SRI: variants seen among roughly 807,000 people sequenced by gnomAD.
The protein encoded by SRI is 22 kDa protein.
In SRI, 30 loss-of-function variants were observed where a neutral mutation model predicts 33.3. The ratio of observed to expected loss-of-function variants is 0.90; its 90% confidence interval spans 0.67 to 1.22. The LOEUF (loss-of-function observed/expected upper bound fraction) is 1.22, where lower values mean the gene tolerates loss of function less well. SRI is among the 50% of genes most tolerant of loss of function. SRI has a pLI of 0.00. For synonymous variants in SRI, 75 were observed against 89.9 expected, an observed-to-expected ratio of 0.83 and a Z score of 0.94; for missense variants, 243 against 250.8, an observed-to-expected ratio of 0.97 and a Z score of 0.21.
intron 1 of SRI, chr7:88,219,504 G>A (rs1354110623): frequency 1.0e-5 from 2 of 191,140 alleles, no homozygotes; most frequent in Non-Finnish European, 2.1e-5. Flanking sequence ...ACTTCAGCAG[G>A]TTTTCCCTTT....
chr7:88,206,631 T>C (rs1042016736), intron 7 of SRI, 127 bp from the exon 8 acceptor site: 9 of 993,442 alleles, frequency 9.1e-6, no homozygotes, highest in African/African-American at 1.6e-5. Flanking sequence ...CTTTCTAAGA[T>C]ATGAGTAAAT....
At chr7:88,212,105 C>T (rs1851592854) in intron 3 of SRI, among the ~76,000 whole-genome samples, 1 of 152,208 alleles carries the variant, frequency 6.6e-6, no homozygotes, top group African/African-American at 2.4e-5. Context: ...TTTTTAACAG[C>T]TCTTTGTAGC....
chr7:88,221,195 G>A (rs1259339661), upstream of SRI, among the ~76,000 whole-genome samples: 4 of 152,144 alleles, frequency 2.6e-5, no homozygotes, highest in Non-Finnish European at 4.4e-5. Context: ...TTTTCGCTGT[G>A]GTGGACGGGC....
At position 88,210,119 on chromosome 7, in the gene SRI, A is replaced by G; in HGVS notation, c.261T>C (p.Ser87=). The part of the protein sequence containing the change: ...LMVSMLDRDM[S]GTMGFNEFKE... ...TAAATTCATTGAAACCCATTGTGCCAGACATATCTCTCTGAACTGTAATCA... is the reference window on the plus strand; with the variant it reads ...TAAATTCATTGAAACCCATTGTGCCGGACATATCTCTCTGAACTGTAATCA... Residue 87 remains serine, a synonymous_variant, in exon 5 of 8, where the codon TCT becomes TCC. Transcript: ENST00000265729. The G allele has an allele frequency of 6.2e-7, 1 of 1,614,164 alleles. No individual in the cohort carries two copies. The highest frequency in any genetic ancestry group is 8.5e-7 in the Non-Finnish European group (1 of 1,179,996).
rs746990136 is a variant in SRI, at chr7:88,220,018, G to A, written c.9C>T (p.Tyr3=). Residue 3 remains tyrosine (Y), a synonymous_variant, in exon 1 of 8, where the codon TAC becomes TAT. Coordinates refer to ENST00000265729, the MANE Select transcript of SRI (RefSeq NM_003130.4). Reference sequence around the variant, plus strand: ...CGCCGCCGGCGCCAGGATGCCCCGGGTACGCCATGCTGCAGACTGCGCCGC... The same window carrying A: ...CGCCGCCGGCGCCAGGATGCCCCGGATACGCCATGCTGCAGACTGCGCCGC... MA[Y]PGHPGAGGGY... is the part of the protein sequence containing the mutation. 74 of 1,533,032 alleles carry A rather than the reference G, an allele frequency of 4.8e-5. 1 individual carries two copies. In the East Asian group the frequency reaches 6.9e-4, roughly 14 times the overall value. 95.0% of individuals were successfully genotyped at this position (1,533,032 alleles called of 1,614,324 possible).
Position 88,209,295 on chromosome 7 carries a change from CTGTG to C in SRI, c.511+40_511+43del, listed in dbSNP as rs776959177. The C allele has an allele frequency of 3.2e-5, 48 of 1,480,462 alleles. 1 individual carries two copies. In the South Asian group the frequency reaches 4.7e-4, roughly 15 times the overall value. 91.7% of individuals were successfully genotyped at this position (1,480,462 alleles called of 1,614,324 possible). ...ACTGAGAGATGAAATGTAATAAAAACTGTGTCTTGGCTTGTGGTGATGACACGAC... is the reference window on the plus strand; with the variant it reads ...ACTGAGAGATGAAATGTAATAAAAACTCTTGGCTTGTGGTGATGACACGAC... On this transcript the variant is annotated intron_variant, in intron 6 of 7. Coordinates refer to ENST00000265729, the MANE Select transcript of SRI (RefSeq NM_003130.4).
intron 7 of SRI, among the ~76,000 whole-genome samples, chr7:88,206,798 C>G (rs734909): frequency 6.6e-6 from 1 of 151,462 alleles, no homozygotes; most frequent in Non-Finnish European, 1.5e-5. Flanking sequence ...AAATAATATC[C>G]AAGACTAGAA....
chr7:88,206,278 A>G lies in SRI; in HGVS notation c.*200T>C, dbSNP rs996120535. 18 of 652,336 alleles carry G rather than the reference A, an allele frequency of 2.8e-5. No homozygotes were observed. Among genetic ancestry groups the G allele is most frequent in the Middle Eastern group, 3.4e-4 (1 of 2,922 alleles). 40.4% of individuals were successfully genotyped at this position (652,336 alleles called of 1,614,324 possible). ...AGGAAAGTTCTAAATGGTGTAACAG[A>G]CTAGATCTTATTAAAGTTCCAAAGA... On this transcript the variant is annotated 3_prime_UTR_variant, in exon 8 of 8. Transcript: ENST00000265729.
upstream of SRI, among the ~76,000 whole-genome samples, chr7:88,221,074 C>G (rs1465253282): frequency 2.6e-5 from 4 of 152,160 alleles, no homozygotes; most frequent in Non-Finnish European, 5.9e-5. Context: ...TATTGAGAAA[C>G]GCATTAATAA....
intron 6 of SRI, 192 bp downstream of exon 6, chr7:88,209,147 T>C (rs1026712837): frequency 4.5e-6 from 2 of 448,138 alleles, no homozygotes; most frequent in African/African-American, 4.0e-5. Flanking sequence ...GCAGATTACT[T>C]ACTAATCTAA....
At chr7:88,214,622 AATT>A (rs1392242498) in intron 3 of SRI, among the ~76,000 whole-genome samples, 2 of 151,138 alleles carry the variant, frequency 1.3e-5, no homozygotes, top group Non-Finnish European at 2.9e-5. Context: ...TATTTTAAAT[AATT>A]ATTTAAAATT....
At chr7:88,226,801 G>A (rs1852008820) in intron 1 of SRI, 6 of 1,196,036 alleles carry the variant, frequency 5.0e-6, no homozygotes, top group Non-Finnish European at 5.9e-6. Flanking sequence ...GAAACCCATG[G>A]ATCAGTAGAA....
At position 88,217,225 on chromosome 7, in the gene SRI, G is replaced by C. The variant is rs760513897; in HGVS notation, c.136-34C>G. 4.5e-6 allele frequency: 7 copies of C among 1,561,864 alleles called. No homozygotes were observed. The South Asian group carries it at 7.8e-5, about 17-fold the overall frequency. On this transcript the variant is annotated intron_variant, in intron 2 of 7. Transcript: ENST00000265729. Reference sequence around the variant, plus strand: ...AAAAAATTAGAGGAATCATAATAGTGATTTGTACTTTCAAGTTGTTTACCT... The same window carrying C: ...AAAAAATTAGAGGAATCATAATAGTCATTTGTACTTTCAAGTTGTTTACCT...
chr7:88,213,758 T>G (rs573579274), intron 3 of SRI, among the ~76,000 whole-genome samples: 1 of 152,210 alleles, frequency 6.6e-6, no homozygotes, highest in African/African-American at 2.4e-5. Flanking sequence ...GCACTTTATA[T>G]GTACAACCCT....
At chr7:88,226,919 A>G (rs1236795252) in exon 1 of SRI, 3 of 1,613,760 alleles carry the variant, frequency 1.9e-6, no homozygotes, top group Non-Finnish European at 2.5e-6. Context: ...CTGCATCTTG[A>G]GTTGAAGTCT....
intron 5 of SRI, 130 bp downstream of exon 5, chr7:88,209,853 C>A: frequency 8.2e-7 from 1 of 1,217,468 alleles, no homozygotes; most frequent in Non-Finnish European, 1.2e-6. Flanking sequence ...CGAGCTCAGG[C>A]AATCCACCCT....
chr7:88,209,797 G>A (rs531715943), intron 5 of SRI, among the ~76,000 whole-genome samples, 186 bp downstream of exon 5: 1 of 152,156 alleles, frequency 6.6e-6, no homozygotes, highest in South Asian at 2.1e-4. Context: ...CTGTATTTTA[G>A]TAGAGTCGGG....
In SRI at chr7:88,208,547, T is replaced by G; in HGVS notation, c.530A>C (p.Asp177Ala). ...ATTCACAACACCTTGCTGAGCAGTA[T>G]CCCGTCTTCGAAAGCTGTCTGTAAA... ...RALTDSFRRR[D>A]TAQQGVVNFP... Residue 177 changes from aspartate to alanine, a missense_variant, in exon 7 of 8, where the codon GAT becomes GCT. Physicochemically the swap from Asp to Ala is moderately radical, Grantham distance 126. Coordinates refer to ENST00000265729, the MANE Select transcript of SRI (RefSeq NM_003130.4). 1 of 1,613,934 alleles carries G rather than the reference T, an allele frequency of 6.2e-7. No individual in the cohort carries two copies. Among genetic ancestry groups the G allele is most frequent in the Non-Finnish European group, 8.5e-7 (1 of 1,179,906 alleles).
intron 3 of SRI, among the ~76,000 whole-genome samples, chr7:88,211,133 A>G (rs1586713852): frequency 6.6e-6 from 1 of 152,334 alleles, no homozygotes; most frequent in South Asian, 2.1e-4. Context: ...TTTGATTTAA[A>G]TAACTTTGAC....
Sources: gnomAD v4.1 joint callset for allele counts (sites outside exome capture counted in the v4.1 genomes callset) on GRCh38, gnomAD v4.1.1 for gene constraint, MANE v1.5 for transcripts, NCBI Gene and HGNC (gene_info 2026-07-23, HGNC 2026-07-21) for gene names.